Variants in SLC45A1 observed in about 807,000 individuals in gnomAD.
The protein encoded by SLC45A1 is proton-associated sugar transporter A.
SLC45A1 carries 28 observed loss-of-function variants against 57.6 expected under a neutral mutation model. The ratio of observed to expected loss-of-function variants is 0.49; its 90% confidence interval spans 0.36 to 0.67. The LOEUF is 0.67. SLC45A1 is among the 30% of genes least tolerant of loss of function. The probability of loss-of-function intolerance (pLI) is 0.00; values close to 1 mark genes in which losing one functional copy is unlikely to be tolerated. For missense variants in SLC45A1, 814 were observed against 1,041.5 expected (o/e 0.78, Z 3.01); for synonymous variants, 459 against 471.5 (o/e 0.97, Z 0.34).
At position 8,343,140 on chromosome 1, in the gene SLC45A1, G is replaced by GCAGC; in HGVS notation, c.1981-606_1981-603dup. Among the ~76,000 whole-genome samples the GCAGC allele has an allele frequency of 1.3e-5, 2 of 152,278 alleles. No homozygotes were observed. Among genetic ancestry groups the GCAGC allele is most frequent in the Middle Eastern group, 3.4e-3 (1 of 292 alleles). On this transcript the variant is annotated intron_variant, in intron 8 of 8. Transcript: ENST00000471889. The surrounding 1 kb of genome is among the most constrained non-coding windows in gnomAD (Gnocchi z 7.7). ...CCAGGTCACAGCAATGCCCACTCACGCAGCACCTTGCAGGCCGGCTGGTGC... is the reference window on the plus strand; with the variant it reads ...CCAGGTCACAGCAATGCCCACTCACGCAGCCAGCACCTTGCAGGCCGGCTGGTGC...
rs763554757 is a variant in SLC45A1, at chr1:8,344,051, T to TG, written c.*43dup. ...TCGACTCCGGACACGCGCCTGCACC[T>TG]GGGGGTCTGGAGCAGGCCGACCAGT... is the stretch of plus-strand genomic sequence containing the variant. On this transcript the variant is annotated 3_prime_UTR_variant, in exon 9 of 9. Transcript: ENST00000471889. 3 of 1,571,734 alleles carry TG rather than the reference T, an allele frequency of 1.9e-6. No individual in the cohort carries two copies. The highest frequency in any genetic ancestry group is 1.4e-5 in the African/African-American group (1 of 73,886).
rs1385530637 is a variant in SLC45A1 at position 8,327,142 on chromosome 1, G to A, written c.715+1100G>A. Among the ~76,000 whole-genome samples the A allele has an allele frequency of 6.6e-6, 1 of 152,180 alleles. No homozygotes were observed. The highest frequency in any genetic ancestry group is 2.1e-4 in the South Asian group (1 of 4,818). ...ATCCTTGAATGATTTTGAGAGCACC[G>A]TGAGGATTGGTTCTGAGTTTTCCTC... On this transcript the variant is annotated intron_variant, in intron 4 of 8. Transcript: ENST00000471889. The surrounding 1 kb of genome is among the most constrained non-coding windows in gnomAD (Gnocchi z 4.3).
chr1:8,325,252 GT>G lies in SLC45A1; in HGVS notation c.398-45del, dbSNP rs1640160032. 1.6e-6 allele frequency: 2 copies of G among 1,281,744 alleles called. No individual in the cohort carries two copies. The highest frequency in any genetic ancestry group is 2.3e-6 in the Non-Finnish European group (2 of 879,784). 79.4% of individuals were successfully genotyped at this position (1,281,744 alleles called of 1,614,324 possible). A position where few individuals can be genotyped will look rare whatever the true frequency, so the allele number is the denominator to read the frequency against. On this transcript the variant is annotated intron_variant, in intron 2 of 8. Coordinates refer to ENST00000471889, the MANE Select transcript of SLC45A1 (RefSeq NM_001080397.3). This position sits in a 1 kb window ranked among gnomAD's most constrained non-coding sequence, Gnocchi z 6.3. ...GTGGAGGCTGATTCGATGTCCCCATGTGCCATGGGGACCCTGGCAATGACCG... is the reference window on the plus strand; with the variant it reads ...GTGGAGGCTGATTCGATGTCCCCATGGCCATGGGGACCCTGGCAATGACCG...
chr1:8,337,081 T>C (rs551945709), intron 6 of SLC45A1, among the ~76,000 whole-genome samples: 22 of 152,300 alleles, frequency 1.4e-4, no homozygotes, highest in African/African-American at 5.3e-4. Context: ...CGAAACTGGG[T>C]AATTTATAAA....
In SLC45A1 at chr1:8,330,730, C is replaced by T. The variant is rs762717907; in HGVS notation, c.1237C>T (p.Arg413Cys). The change falls in exon 5 of 9, where the codon CGC (arginine) becomes TGC (cysteine). Residue 413 changes from arginine to cysteine, a missense_variant. Physicochemically the swap from Arg to Cys is radical, Grantham distance 180. Coordinates refer to ENST00000471889, the MANE Select transcript of SLC45A1 (RefSeq NM_001080397.3). This position sits in a 1 kb window ranked among gnomAD's most constrained non-coding sequence, Gnocchi z 8.4. ...SFPRAPDGFY[R>C]QDRGLLEGRE... ...CCCCCGGGCCCCCGACGGCTTCTAC[C>T]GCCAGGACCGTGGACTTCTGGAGGG... 38 of 1,613,146 alleles carry T rather than the reference C, an allele frequency of 2.4e-5. No homozygotes were observed. Among genetic ancestry groups the T allele is most frequent in the Non-Finnish European group, 2.9e-5 (34 of 1,180,036 alleles).
chr1:8,330,809 C>A lies in SLC45A1; in HGVS notation c.1316C>A (p.Ser439Tyr). The A allele has an allele frequency of 6.2e-7, 1 of 1,613,488 alleles. No individual in the cohort carries two copies. The highest frequency in any genetic ancestry group is 8.5e-7 in the Non-Finnish European group (1 of 1,180,042). Residue 439 changes from serine to tyrosine, a missense_variant, in exon 5 of 9, where the codon TCC becomes TAC. Ser to Tyr is a moderately radical substitution (Grantham distance 144). Transcript: ENST00000471889. This position sits in a 1 kb window ranked among gnomAD's most constrained non-coding sequence, Gnocchi z 8.4. ...GCDGDILRVG[S>Y]LDTSKPRSSG... ...GACGGGGACATTCTGAGGGTGGGCT[C>A]CTTGGACACCTCTAAGCCGAGGTCA... is the stretch of plus-strand genomic sequence containing the variant.
intron 1 of SLC45A1, among the ~76,000 whole-genome samples, chr1:8,319,172 T>C (rs1224067603): frequency 2.0e-5 from 3 of 152,064 alleles, no homozygotes; most frequent in Non-Finnish European, 4.4e-5. Context: ...CCCAGCTACT[T>C]GGGAAGCTGA....
chr1:8,335,617 G>A lies in SLC45A1; in HGVS notation c.1597+27G>A, dbSNP rs1373144930. ...TGAGCTCCCGGCCAAGCCTCCCCGT[G>A]AGTCCTGGTCCTGCTCAGGGCTCTC... On this transcript the variant is annotated intron_variant, in intron 6 of 8. Coordinates refer to ENST00000471889, the MANE Select transcript of SLC45A1 (RefSeq NM_001080397.3). The surrounding 1 kb of genome is among the most constrained non-coding windows in gnomAD (Gnocchi z 4.1). 7 of 1,581,790 alleles carry A rather than the reference G, an allele frequency of 4.4e-6. No individual in the cohort carries two copies. The highest frequency in any genetic ancestry group is 6.0e-6 in the Non-Finnish European group (7 of 1,167,508).
Position 8,325,763 on chromosome 1 carries a change from C to T in SLC45A1, c.491-55C>T, listed in dbSNP as rs1245513858. 1.7e-5 allele frequency: 25 copies of T among 1,506,188 alleles called. No homozygotes were observed. Among genetic ancestry groups the T allele is most frequent in the Middle Eastern group, 1.7e-4 (1 of 5,886 alleles). The allele number at this position is 1,506,188 out of a possible 1,614,324, so 93.3% of individuals were successfully genotyped here. On this transcript the variant is annotated intron_variant, in intron 3 of 8. Coordinates refer to ENST00000471889, the MANE Select transcript of SLC45A1 (RefSeq NM_001080397.3). The surrounding 1 kb of genome is among the most constrained non-coding windows in gnomAD (Gnocchi z 6.3). ...ATTCTAGACATAAGTCGTGAGCTGC[C>T]GGGGACAGAGCTGGTCTGCATTTTC...
chr1:8,320,479 C>T (rs2124280509), intron 1 of SLC45A1, among the ~76,000 whole-genome samples: 1 of 152,092 alleles, frequency 6.6e-6, no homozygotes, highest in South Asian at 2.1e-4. Context: ...CCCATCTCTA[C>T]AAAAAAATAC....
At position 8,330,439 on chromosome 1, in the gene SLC45A1, G is replaced by A. The variant is rs912865911; in HGVS notation, c.946G>A (p.Val316Ile). 26 of 1,611,332 alleles carry A rather than the reference G, an allele frequency of 1.6e-5. No individual in the cohort carries two copies. The highest frequency in any genetic ancestry group is 5.3e-5 in the African/African-American group (4 of 74,848). Residue 316 changes from valine (V) to isoleucine (I), a missense_variant, in exon 5 of 9, where the codon GTC (valine) becomes ATC (isoleucine). Transcript: ENST00000471889. This position sits in a 1 kb window ranked among gnomAD's most constrained non-coding sequence, Gnocchi z 8.4. ...CCTCCCGCTGCCCCCGTCCCCACCC[G>A]TCCTGCCAGAGGAAGGCCCTGGCGA... ...PSLPLPPSPPVLPEEGPGDSL... is the reference protein window; with the variant it reads ...PSLPLPPSPPILPEEGPGDSL...
chr1:8,330,227 G>A lies in SLC45A1; in HGVS notation c.734G>A (p.Gly245Glu). The change falls in exon 5 of 9, where the codon GGA (glycine) becomes GAA (glutamate). Residue 245 changes from glycine to glutamate, a missense_variant. Coordinates refer to ENST00000471889, the MANE Select transcript of SLC45A1 (RefSeq NM_001080397.3). The surrounding 1 kb of genome is among the most constrained non-coding windows in gnomAD (Gnocchi z 8.4). ...ALLAGLGGGF[G>E]YVVGGIHWDK... The stretch of plus-strand genomic sequence containing the variant: ...TCCCCAGGTCTCGGAGGAGGCTTTG[G>A]ATACGTGGTCGGCGGAATCCACTGG... 1 of 1,613,746 alleles carries A rather than the reference G, an allele frequency of 6.2e-7. No individual in the cohort carries two copies.
chr1:8,331,026 C>A, intron 5 of SLC45A1, 90 bp downstream of exon 5: 1 of 1,457,596 alleles, frequency 6.9e-7, no homozygotes, highest in Non-Finnish European at 9.1e-7. Context: ...AGAGTCCCTC[C>A]AGGAAGAAAT....
At chr1:8,322,198 AGTGG>A (rs1640042272) in intron 1 of SLC45A1, among the ~76,000 whole-genome samples, 1 of 23,902 alleles carries the variant, frequency 4.2e-5, no homozygotes, top group African/African-American at 2.1e-4. Context: ...TGGATGGATG[AGTGG>A]GTGGATGGAT....
At chr1:8,318,322 G>A (rs985229794) in intron 1 of SLC45A1, 136 bp downstream of exon 1, 5 of 393,452 alleles carry the variant, frequency 1.3e-5, no homozygotes, top group Non-Finnish European at 2.3e-5. Flanking sequence ...GTTCCTCGTG[G>A]AAGTCTCATG....
chr1:8,323,490 CAAAAAAAA>C (rs34956825), intron 1 of SLC45A1, among the ~76,000 whole-genome samples: 33 of 127,504 alleles, frequency 2.6e-4, no homozygotes, highest in East Asian at 1.1e-3. Context: ...GACTCTGTCT[CAAAAAAAA>C]AAAAAAAAAA....
At chr1:8,322,004 T>TGGAG in intron 1 of SLC45A1, among the ~76,000 whole-genome samples, 1 of 40,594 alleles carries the variant, frequency 2.5e-5, no homozygotes. Context: ...GATGGATGGA[T>TGGAG]GGATGGATGG....
chr1:8,334,572 G>T (rs1423822175), intron 5 of SLC45A1, among the ~76,000 whole-genome samples: 2 of 152,084 alleles, frequency 1.3e-5, no homozygotes, highest in African/African-American at 4.8e-5. Flanking sequence ...GTGTGGTGGT[G>T]CTCGCCTGTA....
rs1311904346 is a variant in SLC45A1, at chr1:8,327,504, T to G, written c.715+1462T>G. ...GTTCAGCATGATGCTTAGTTATCAA[T>G]GTACTGTATAAAAATCAATACTGGT... On this transcript the variant is annotated intron_variant, in intron 4 of 8. Coordinates refer to ENST00000471889, the MANE Select transcript of SLC45A1 (RefSeq NM_001080397.3). This position sits in a 1 kb window ranked among gnomAD's most constrained non-coding sequence, Gnocchi z 4.3. Among the ~76,000 whole-genome samples, 2 of 152,310 alleles carry G rather than the reference T, an allele frequency of 1.3e-5. No individual in the cohort carries two copies.
Sources: allele counts gnomAD v4.1 joint callset (sites outside exome capture counted in the v4.1 genomes callset), GRCh38; gene constraint gnomAD v4.1.1; non-coding constraint Gnocchi (gnomAD v3.1); transcripts MANE v1.5; gene names NCBI Gene and HGNC (gene_info 2026-07-23, HGNC 2026-07-21).